RSRC1: variants seen among roughly 807,000 people sequenced by gnomAD.
RSRC1 encodes arginine and serine rich coiled-coil 1.
In RSRC1, 39 loss-of-function variants were observed where a neutral mutation model predicts 49.1. The ratio of observed to expected loss-of-function variants is 0.79; its 90% CI spans 0.61 to 1.04. The LOEUF (loss-of-function observed/expected upper bound fraction) is 1.04. Among genes scored for constraint, RSRC1 ranks in the 50% least tolerant of loss-of-function variants. The pLI is 0.00. For synonymous variants in RSRC1, 143 were observed against 130.8 expected (o/e 1.09, Z -0.63); for missense variants, 388 against 402.4 (o/e 0.96, Z 0.31).
At chr3:158,510,714 A>G (rs550177902) in intron 7 of RSRC1, among the ~76,000 whole-genome samples, 4 of 152,192 alleles carry the variant, frequency 2.6e-5, no homozygotes, top group Non-Finnish European at 5.9e-5. Context: ...GACTATAGTT[A>G]GCCTGTTGTG....
chr3:158,504,991 TGTTA>T (rs1357786326), intron 7 of RSRC1, among the ~76,000 whole-genome samples: 14 of 152,232 alleles, frequency 9.2e-5, no homozygotes, highest in Non-Finnish European at 1.9e-4. Context: ...TTGTCAAAGT[TGTTA>T]GTTCTTGTGT....
At chr3:158,394,455 A>G (rs1312123976) in intron 6 of RSRC1, among the ~76,000 whole-genome samples, 1 of 152,022 alleles carries the variant, frequency 6.6e-6, no homozygotes, top group Non-Finnish European at 1.5e-5. Flanking sequence ...ACTTTGCTGA[A>G]GTCATTTGAA....
Position 158,243,741 on chromosome 3 carries a change from T to C in RSRC1, c.494+40496T>C, listed in dbSNP as rs186447203. On this transcript the variant is annotated intron_variant, in intron 4 of 9. Transcript: ENST00000611884. ...TTGAGCACTGGTTCTTAGTTCTCTT[T>C]CAAGAGGTACTTCACCTCCCTTGTT... Among the ~76,000 whole-genome samples the C allele has an allele frequency of 1.7e-3, 252 of 152,250 alleles. 2 individuals carry two copies. The highest frequency in any genetic ancestry group is 1.7e-3 in the Non-Finnish European group (113 of 68,008).
At chr3:158,296,384 A>T (rs867876438) in intron 4 of RSRC1, among the ~76,000 whole-genome samples, 9 of 151,840 alleles carry the variant, frequency 5.9e-5, no homozygotes, top group Admixed American at 1.3e-4. Flanking sequence ...ATTAACCAAG[A>T]TTGAGAACTG....
At chr3:158,199,069 G>T (rs765577851) in intron 3 of RSRC1, among the ~76,000 whole-genome samples, 2 of 152,146 alleles carry the variant, frequency 1.3e-5, no homozygotes, top group Non-Finnish European at 2.9e-5. Context: ...TCATCAGGGA[G>T]GGTCTTTCTC....
intron 6 of RSRC1, among the ~76,000 whole-genome samples, chr3:158,415,902 G>C (rs1412668305): frequency 6.6e-6 from 1 of 151,712 alleles, no homozygotes; most frequent in African/African-American, 2.4e-5. Flanking sequence ...GGTTGTTTTT[G>C]CTTTATTTTA....
At chr3:158,306,293 T>C (rs74741999) in intron 5 of RSRC1, among the ~76,000 whole-genome samples, 4,036 of 152,040 alleles carry the variant, frequency 0.027, 164 homozygotes, top group African/African-American at 0.093. Flanking sequence ...TTTTTTAACA[T>C]GTAAAAATAC....
Position 158,203,126 on chromosome 3 carries a change from T to C in RSRC1, c.375T>C (p.Ser125=). Residue 125 remains serine (S), a synonymous_variant, in exon 4 of 10, where the codon AGT becomes AGC. Coordinates refer to ENST00000611884, the MANE Select transcript of RSRC1 (RefSeq NM_001271838.2). ...RSHSRSSERS[S]HRRTRSRSRD... ...ATAGTCGTAGCAGTGAAAGGTCCAG[T>C]CACAGAAGAACGCGTAGTCGGTCTC... is the stretch of plus-strand genomic sequence containing the variant. 1.2e-6 allele frequency: 2 copies of C among 1,613,748 alleles called. No homozygotes were observed. The highest frequency in any genetic ancestry group is 8.5e-7 in the Non-Finnish European group (1 of 1,179,824).
chr3:158,176,382 C>T (rs1021059427), intron 3 of RSRC1, among the ~76,000 whole-genome samples: 12 of 152,284 alleles, frequency 7.9e-5, no homozygotes, highest in East Asian at 3.9e-4. Flanking sequence ...GGAGGCATCA[C>T]GCTACCTGAC....
At chr3:158,124,792 T>G (rs1279196339) in intron 3 of RSRC1, among the ~76,000 whole-genome samples, 1 of 150,840 alleles carries the variant, frequency 6.6e-6, no homozygotes, top group Non-Finnish European at 1.5e-5. Flanking sequence ...GTTATTACGC[T>G]TCTGGTATTT....
intron 6 of RSRC1, among the ~76,000 whole-genome samples, chr3:158,376,393 C>A (rs1732376936): frequency 1.3e-5 from 2 of 151,822 alleles, no homozygotes; most frequent in South Asian, 4.2e-4. Context: ...AACTCCAGAC[C>A]TCAGGTTATC....
At chr3:158,275,684 A>G (rs1725768990) in intron 4 of RSRC1, 1 of 384,610 alleles carries the variant, frequency 2.6e-6, no homozygotes, top group Non-Finnish European at 4.1e-6. Flanking sequence ...TTGCACTTTA[A>G]CTTTCTTAAT....
chr3:158,390,016 C>T (rs1459974871), intron 6 of RSRC1, among the ~76,000 whole-genome samples: 1 of 152,144 alleles, frequency 6.6e-6, no homozygotes, highest in Non-Finnish European at 1.5e-5. Flanking sequence ...TATCCTTAGA[C>T]AAAATTTATT....
chr3:158,416,086 C>T (rs943651822), intron 6 of RSRC1, among the ~76,000 whole-genome samples: 3 of 151,932 alleles, frequency 2.0e-5, no homozygotes, highest in Non-Finnish European at 4.4e-5. Flanking sequence ...AAATGTAATG[C>T]TTTCTTTATT....
chr3:158,314,832 CAATGGTGAAACCAA>C (rs980866260), intron 5 of RSRC1, among the ~76,000 whole-genome samples: 8 of 151,866 alleles, frequency 5.3e-5, no homozygotes, highest in African/African-American at 9.7e-5. Context: ...CTGGTGAAAC[CAATGGTGAAACCAA>C]AATGGTGAAA....
intron 4 of RSRC1, among the ~76,000 whole-genome samples, chr3:158,282,506 G>A (rs1456892388): frequency 4.6e-5 from 7 of 152,182 alleles, no homozygotes; most frequent in African/African-American, 2.4e-5. Flanking sequence ...TGTAGTAATG[G>A]TGATGTTGAC....
At chr3:158,121,485 G>T (rs1715256456) in intron 1 of RSRC1, among the ~76,000 whole-genome samples, 1 of 152,018 alleles carries the variant, frequency 6.6e-6, no homozygotes, top group South Asian at 2.1e-4. Flanking sequence ...ATCAACTTTA[G>T]TACTTTAGTT....
intron 6 of RSRC1, among the ~76,000 whole-genome samples, chr3:158,409,730 A>G (rs1346038123): frequency 2.6e-5 from 1 of 38,528 alleles, no homozygotes; most frequent in Non-Finnish European, 6.0e-5. Flanking sequence ...GTGCTTTAGG[A>G]TGATAACTTT....
intron 3 of RSRC1, among the ~76,000 whole-genome samples, chr3:158,184,723 T>G (rs1002523990): frequency 6.6e-6 from 1 of 152,092 alleles, no homozygotes; most frequent in East Asian, 1.9e-4. Context: ...GCAAGTTCCC[T>G]GGAGCTTTAT....
Sources: gnomAD v4.1 joint callset for allele counts (sites outside exome capture counted in the v4.1 genomes callset) on GRCh38, gnomAD v4.1.1 for gene constraint, MANE v1.5 for transcripts, NCBI Gene and HGNC (gene_info 2026-07-23, HGNC 2026-07-21) for gene names.